Variants in PCBP4 observed in about 807,000 individuals in gnomAD.
The protein encoded by PCBP4 is poly(rC) binding protein 4, also known as poly(rC)-binding protein 4.
PCBP4 carries 24 observed loss-of-function variants against 46.2 expected under a neutral mutation model. The ratio of observed to expected loss-of-function variants is 0.52; its 90% CI spans 0.38 to 0.73. PCBP4 has a LOEUF of 0.73. Among genes scored for constraint, PCBP4 ranks in the 30% least tolerant of loss-of-function variants. The probability of loss-of-function intolerance (pLI) is 0.00; values close to 1 mark genes in which losing one functional copy is unlikely to be tolerated. For synonymous variants in PCBP4, 203 were observed against 224.4 expected (o/e 0.90, Z 0.85); for missense variants, 407 against 537.0 (o/e 0.76, Z 2.39).
At chr3:51,961,745 T>TC in intron 2 of PCBP4, 196 bp downstream of exon 2, 2 of 992,290 alleles carry the variant, frequency 2.0e-6, no homozygotes, top group South Asian at 4.6e-5. Context: ...GGCTGAAAGC[T>TC]TACTCCATAT....
Position 51,961,130 on chromosome 3 carries a change from G to T in PCBP4, c.81+30C>A, listed in dbSNP as rs767388815. On this transcript the variant is annotated intron_variant, in intron 3 of 13. Transcript: ENST00000461554. The stretch of plus-strand genomic sequence containing the variant: ...GTGAAACCCAGCCCAGCCCAGCCTT[G>T]CCTCGCCTGGCCCTCCACCTCCCGC... 3 of 1,613,762 alleles carry T rather than the reference G, an allele frequency of 1.9e-6. No individual in the cohort carries two copies. The Admixed American group carries it at 5.0e-5, about 27-fold the overall frequency.
intron 1 of PCBP4, among the ~76,000 whole-genome samples, chr3:51,966,813 C>G (rs961176581): frequency 6.6e-6 from 1 of 151,930 alleles, no homozygotes; most frequent in African/African-American, 2.4e-5. Flanking sequence ...CCCCCACCCC[C>G]CAGGACCCCA....
chr3:51,963,781 C>G lies in PCBP4; in HGVS notation c.-212-1693G>C, dbSNP rs369635649. Among the ~76,000 whole-genome samples the G allele has an allele frequency of 2.7e-4, 41 of 152,320 alleles. No homozygotes were observed. In the South Asian group the frequency reaches 7.2e-3, roughly 27 times the overall value. On this transcript the variant is annotated intron_variant, in intron 1 of 13. Coordinates refer to ENST00000461554, the MANE Select transcript of PCBP4 (RefSeq NM_001174100.2). ...GAGAGAGTTGCTGGTCTATCTGCGCCCTTCCTGGTCTGAGAGACTCTCAAG... is the reference window on the plus strand; with the variant it reads ...GAGAGAGTTGCTGGTCTATCTGCGCGCTTCCTGGTCTGAGAGACTCTCAAG...
At position 51,960,106 on chromosome 3, in the gene PCBP4, G is replaced by A. The variant is rs1287044221; in HGVS notation, c.387+83C>T. ...CCCAGGCTCAGAGCTCTCTAGGTGG[G>A]GAGGACGCCATAAGCCCAACACCCC... On this transcript the variant is annotated intron_variant, in intron 7 of 13. Coordinates refer to ENST00000461554, the MANE Select transcript of PCBP4 (RefSeq NM_001174100.2). This position sits in a 1 kb window ranked among gnomAD's most constrained non-coding sequence, Gnocchi z 5.0. 1 of 1,613,984 alleles carries A rather than the reference G, an allele frequency of 6.2e-7. No homozygotes were observed. Among genetic ancestry groups the A allele is most frequent in the Admixed American group, 1.7e-5 (1 of 60,028 alleles).
chr3:51,966,717 G>A (rs549258597), intron 1 of PCBP4, among the ~76,000 whole-genome samples: 1 of 152,224 alleles, frequency 6.6e-6, no homozygotes, highest in African/African-American at 2.4e-5. Flanking sequence ...GGCGGGCCAG[G>A]GATAGGGGAG....
chr3:51,964,659 AC>A (rs1442009143), intron 1 of PCBP4, among the ~76,000 whole-genome samples: 1 of 152,024 alleles, frequency 6.6e-6, no homozygotes, highest in Non-Finnish European at 1.5e-5. Context: ...GTGGGGGTGG[AC>A]CCTGGGCCAC....
chr3:51,966,644 T>C (rs997466682), intron 1 of PCBP4, among the ~76,000 whole-genome samples: 1 of 151,978 alleles, frequency 6.6e-6, no homozygotes, highest in Non-Finnish European at 1.5e-5. Context: ...CATCATCACC[T>C]TGGAGACCAC....
In PCBP4 at chr3:51,959,639, CT is replaced by C. The variant is rs1182133038; in HGVS notation, c.528del (p.Gly177GlufsTer12). 6.4e-7 allele frequency: 1 copy of C among 1,551,828 alleles called. No homozygotes were observed. The highest frequency in any genetic ancestry group is 8.7e-7 in the Non-Finnish European group (1 of 1,147,000). On this transcript the variant is annotated frameshift_variant, in exon 9 of 14. Transcript: ENST00000461554. LOFTEE classifies it high-confidence loss of function. The surrounding 1 kb of genome is among the most constrained non-coding windows in gnomAD (Gnocchi z 5.6). ...CTCGGATGGTAGGGGATAGTGGCTC[CT>C]TTGGGTGGGGACTGGAAGGCATAAA... ...ICAVILESPP[K>X]GATIPYHPSL...
chr3:51,966,283 CAAG>C (rs1427839906), intron 1 of PCBP4, among the ~76,000 whole-genome samples: 3 of 152,150 alleles, frequency 2.0e-5, no homozygotes, highest in Admixed American at 6.5e-5. Flanking sequence ...CCTGAGCATG[CAAG>C]AAGAACAATC....
At position 51,957,688 on chromosome 3, in the gene PCBP4, A is replaced by G; in HGVS notation, c.*373T>C. The G allele has an allele frequency of 6.0e-6, 1 of 165,366 alleles. No individual in the cohort carries two copies. The allele number at this position is 165,366 out of a possible 1,614,324, so 10.2% of individuals were successfully genotyped here. On this transcript the variant is annotated 3_prime_UTR_variant, in exon 14 of 14. Transcript: ENST00000461554. Reference sequence around the variant, plus strand: ...AGAGAAGCCTGGCCCCAGCTACCCAACGGGCCCTCCTCCCTGACTCCCACA... The same window carrying G: ...AGAGAAGCCTGGCCCCAGCTACCCAGCGGGCCCTCCTCCCTGACTCCCACA...
At position 51,957,977 on chromosome 3, in the gene PCBP4, G is replaced by A; in HGVS notation, c.*84C>T. 7.6e-7 allele frequency: 1 copy of A among 1,321,562 alleles called. No individual in the cohort carries two copies. The highest frequency in any genetic ancestry group is 1.0e-6 in the Non-Finnish European group (1 of 971,426). The allele number at this position is 1,321,562 out of a possible 1,614,324, so 81.9% of individuals were successfully genotyped here. On this transcript the variant is annotated 3_prime_UTR_variant, in exon 14 of 14. Transcript: ENST00000461554. The stretch of plus-strand genomic sequence containing the variant: ...GCGTTAGCGGCGTTTGGGACCCCAG[G>A]GTGGAGTCTCCTTGGGCGGGTAGGG...
Position 51,958,235 on chromosome 3 carries a change from C to T in PCBP4, c.1038G>A (p.Leu346=), listed in dbSNP as rs755812966. ...AGAGGGAGATGGCATAGGGTGTGCC[C>T]AGCAGGCCAGGGGGAGCTGTGGGCA... The part of the protein sequence containing the change: ...TALPTAPPGL[L]GTPYAISLSN... Residue 346 remains leucine (L), a synonymous_variant, in exon 14 of 14, where the codon CTG becomes CTA. Transcript: ENST00000461554. This position sits in a 1 kb window ranked among gnomAD's most constrained non-coding sequence, Gnocchi z 5.4. 7.5e-6 allele frequency: 12 copies of T among 1,608,436 alleles called. No individual in the cohort carries two copies. The highest frequency in any genetic ancestry group is 5.9e-6 in the Non-Finnish European group (7 of 1,177,518).
rs1699949395 is a variant in PCBP4 at position 51,958,592 on chromosome 3, G to A, written c.923+198C>T. ...GAAAAGACACAGCAATGGAGAATGAGAGGTGGATATAGAGGGGGGAGATGG... is the reference window on the plus strand; with the variant it reads ...GAAAAGACACAGCAATGGAGAATGAAAGGTGGATATAGAGGGGGGAGATGG... On this transcript the variant is annotated intron_variant, in intron 13 of 13. Coordinates refer to ENST00000461554, the MANE Select transcript of PCBP4 (RefSeq NM_001174100.2). The surrounding 1 kb of genome is among the most constrained non-coding windows in gnomAD (Gnocchi z 5.4). Among the ~76,000 whole-genome samples the A allele has an allele frequency of 2.6e-5, 4 of 151,824 alleles. No homozygotes were observed.
chr3:51,966,924 G>A (rs1471598789), intron 1 of PCBP4, among the ~76,000 whole-genome samples: 1 of 152,116 alleles, frequency 6.6e-6, no homozygotes, highest in East Asian at 1.9e-4. Context: ...TGGCCTGGAG[G>A]TCTGTATCTG....
In PCBP4 at chr3:51,958,084, G is replaced by T; in HGVS notation, c.1189C>A (p.Arg397=). 6.4e-7 allele frequency: 1 copy of T among 1,560,718 alleles called. No homozygotes were observed. The highest frequency in any genetic ancestry group is 8.7e-7 in the Non-Finnish European group (1 of 1,155,396). Residue 397 remains arginine, a synonymous_variant, in exon 14 of 14, where the codon CGG becomes AGG. Coordinates refer to ENST00000461554, the MANE Select transcript of PCBP4 (RefSeq NM_001174100.2). The surrounding 1 kb of genome is among the most constrained non-coding windows in gnomAD (Gnocchi z 5.4). ...CCTCAGTAGGGGGAGAATTTCTGCC[G>T]CTCAGCCTTCTTGCTCCCATTAGCT... is the stretch of plus-strand genomic sequence containing the variant. The part of the protein sequence containing the change: ...AAANGSKKAE[R]QKFSPY
Position 51,958,234 on chromosome 3 carries a change from C to A in PCBP4, c.1039G>T (p.Gly347Cys), listed in dbSNP as rs1414042418. The change falls in exon 14 of 14, where the codon GGC becomes TGC. Residue 347 changes from glycine to cysteine, a missense_variant. Transcript: ENST00000461554. The surrounding 1 kb of genome is among the most constrained non-coding windows in gnomAD (Gnocchi z 5.4). Reference sequence around the variant, plus strand: ...GAGAGGGAGATGGCATAGGGTGTGCCCAGCAGGCCAGGGGGAGCTGTGGGC... The same window carrying A: ...GAGAGGGAGATGGCATAGGGTGTGCACAGCAGGCCAGGGGGAGCTGTGGGC... Reference protein sequence around the residue: ...ALPTAPPGLLGTPYAISLSNF... With the variant: ...ALPTAPPGLLCTPYAISLSNF... 1.2e-6 allele frequency: 2 copies of A among 1,608,538 alleles called. No homozygotes were observed. Among genetic ancestry groups the A allele is most frequent in the Non-Finnish European group, 1.7e-6 (2 of 1,177,472 alleles).
chr3:51,959,175 G>C lies in PCBP4; in HGVS notation c.700+54C>G. ...CCATTTCCACTCTCCCTGGAAGGGA[G>C]GGGGCTGCCCTCTTAGGACCCTCCC... On this transcript the variant is annotated intron_variant, in intron 11 of 13. Transcript: ENST00000461554. The surrounding 1 kb of genome is among the most constrained non-coding windows in gnomAD (Gnocchi z 5.6). 1 of 1,613,260 alleles carries C rather than the reference G, an allele frequency of 6.2e-7. No individual in the cohort carries two copies. The highest frequency in any genetic ancestry group is 8.5e-7 in the Non-Finnish European group (1 of 1,179,294).
chr3:51,959,032 C>T lies in PCBP4; in HGVS notation c.753+15G>A, dbSNP rs753106006. 3.7e-6 allele frequency: 6 copies of T among 1,613,426 alleles called. No individual in the cohort carries two copies. The highest frequency in any genetic ancestry group is 3.4e-6 in the Non-Finnish European group (4 of 1,179,684). On this transcript the variant is annotated intron_variant, in intron 12 of 13. Coordinates refer to ENST00000461554, the MANE Select transcript of PCBP4 (RefSeq NM_001174100.2). The surrounding 1 kb of genome is among the most constrained non-coding windows in gnomAD (Gnocchi z 5.6). ...ACCCCCTACCCACCCTCCAGCCATC[C>T]CATCCCCTGCTCACATCGTTGGGAA...
chr3:51,965,980 G>A (rs184376236), intron 1 of PCBP4, among the ~76,000 whole-genome samples: 1 of 152,322 alleles, frequency 6.6e-6, no homozygotes, highest in Admixed American at 6.5e-5. Context: ...CAGCTGGAAA[G>A]GTCTTACCAA....
Sources: gnomAD v4.1 joint callset for allele counts (sites outside exome capture counted in the v4.1 genomes callset) on GRCh38, gnomAD v4.1.1 for gene constraint, Gnocchi (gnomAD v3.1) non-coding constraint, MANE v1.5 for transcripts, NCBI Gene and HGNC (gene_info 2026-07-23, HGNC 2026-07-21) for gene names.